LRRC3B: variants seen among roughly 807,000 people sequenced by gnomAD.
LRRC3B encodes the protein leucine rich repeat containing 3B.
A neutral mutation model predicts 12.8 loss-of-function variants in LRRC3B; 2 were observed. The observed-to-expected ratio is 0.16, with a 90% CI of 0.06 to 0.49. The LOEUF is 0.49. LRRC3B is among the 20% of genes least tolerant of loss of function. LRRC3B has a pLI of 0.96. For missense variants in LRRC3B, 189 were observed against 319.4 expected, an observed-to-expected ratio of 0.59 and a Z score of 3.11; for synonymous variants, 132 against 122.0, an observed-to-expected ratio of 1.08 and a Z score of -0.54.
At chr3:26,702,175 T>G (rs1284641818) in intron 1 of LRRC3B, among the ~76,000 whole-genome samples, 3 of 152,182 alleles carry the variant, frequency 2.0e-5, no homozygotes, top group Non-Finnish European at 4.4e-5. Flanking sequence ...AGTGATGTAT[T>G]TAATATGAAG....
chr3:26,647,172 A>T (rs1248448558), intron 1 of LRRC3B, among the ~76,000 whole-genome samples: 1 of 151,954 alleles, frequency 6.6e-6, no homozygotes, highest in African/African-American at 2.4e-5. Flanking sequence ...CACTTTTTTC[A>T]GTTCTCAGCT....
intron 1 of LRRC3B, among the ~76,000 whole-genome samples, chr3:26,685,391 T>C (rs1198002617): frequency 6.6e-6 from 1 of 150,898 alleles, no homozygotes; most frequent in Non-Finnish European, 1.5e-5. Flanking sequence ...ATGCTACCTA[T>C]CTTACTAGTA....
chr3:26,653,853 A>G (rs1435924044), intron 1 of LRRC3B, among the ~76,000 whole-genome samples: 2 of 152,252 alleles, frequency 1.3e-5, no homozygotes, highest in African/African-American at 4.8e-5. Context: ...TATTGAAAAC[A>G]ATAGTTCACC....
At chr3:26,695,790 C>G (rs1700301175) in intron 1 of LRRC3B, among the ~76,000 whole-genome samples, 1 of 152,170 alleles carries the variant, frequency 6.6e-6, no homozygotes, top group Non-Finnish European at 1.5e-5. Flanking sequence ...CTGGTCTGCT[C>G]TGTTCTAACA....
chr3:26,637,106 C>T (rs2125405197), intron 1 of LRRC3B, among the ~76,000 whole-genome samples: 1 of 151,490 alleles, frequency 6.6e-6, no homozygotes, highest in Non-Finnish European at 1.5e-5. Flanking sequence ...AAGCAATCCT[C>T]CTGCCTTAGC....
chr3:26,639,370 A>G (rs763753467), intron 1 of LRRC3B, among the ~76,000 whole-genome samples: 4 of 152,162 alleles, frequency 2.6e-5, no homozygotes, highest in Non-Finnish European at 5.9e-5. Context: ...CATTAGAAAT[A>G]CTTGACCTAT....
chr3:26,666,326 T>G (rs1387539353), intron 1 of LRRC3B, among the ~76,000 whole-genome samples: 1 of 152,142 alleles, frequency 6.6e-6, no homozygotes, highest in Non-Finnish European at 1.5e-5. Flanking sequence ...TATGAAAGTT[T>G]ATTATAAGAC....
At chr3:26,634,839 T>C (rs1441833248) in intron 1 of LRRC3B, among the ~76,000 whole-genome samples, 2 of 152,194 alleles carry the variant, frequency 1.3e-5, no homozygotes, top group African/African-American at 4.8e-5. Flanking sequence ...GAGAGTTGGA[T>C]ATGTACCCAG....
At chr3:26,652,243 T>C (rs75539607) in intron 1 of LRRC3B, among the ~76,000 whole-genome samples, 1,626 of 152,260 alleles carry the variant, frequency 0.011, 22 homozygotes, top group African/African-American at 0.037. Flanking sequence ...ACCTGCATGA[T>C]CAACTGGGGC....
At chr3:26,705,734 G>C (rs1314433494) in intron 1 of LRRC3B, among the ~76,000 whole-genome samples, 2 of 152,112 alleles carry the variant, frequency 1.3e-5, no homozygotes, top group African/African-American at 4.8e-5. Flanking sequence ...TTTTAGCCCT[G>C]TATTCTGCTG....
At chr3:26,699,461 CT>C (rs1700400177) in intron 1 of LRRC3B, among the ~76,000 whole-genome samples, 1 of 152,092 alleles carries the variant, frequency 6.6e-6, no homozygotes, top group Non-Finnish European at 1.5e-5. Flanking sequence ...ACTTGGGAAG[CT>C]GAGTTTTGAA....
chr3:26,630,316 A>G (rs1224270854), intron 1 of LRRC3B, among the ~76,000 whole-genome samples: 1 of 152,238 alleles, frequency 6.6e-6, no homozygotes, highest in Admixed American at 6.5e-5. Context: ...GATTTACTCC[A>G]TAGTGCCCTT....
intron 1 of LRRC3B, among the ~76,000 whole-genome samples, chr3:26,636,589 G>A (rs1480856652): frequency 2.6e-5 from 4 of 152,030 alleles, no homozygotes; most frequent in Admixed American, 2.6e-4. Flanking sequence ...ATATTAAATT[G>A]TGGGCTAAAT....
chr3:26,698,368 T>A (rs1461937616), intron 1 of LRRC3B, among the ~76,000 whole-genome samples: 1 of 152,178 alleles, frequency 6.6e-6, no homozygotes, highest in Non-Finnish European at 1.5e-5. Context: ...TAAAACCAAG[T>A]GCACCTTGCA....
rs376736299 is a variant in LRRC3B at position 26,658,543 on chromosome 3, G to A, written c.-161+35306G>A. On this transcript the variant is annotated intron_variant, in intron 1 of 1. Coordinates refer to ENST00000396641, the Ensembl canonical transcript of LRRC3B. The stretch of plus-strand genomic sequence containing the variant: ...AACAAGTTTTCCAGGGATGCTACTG[G>A]TATCACACATTGAAGAGGAGGGGAA... Among the ~76,000 whole-genome samples, 205 of 152,284 alleles carry A rather than the reference G, an allele frequency of 1.3e-3. 1 individual carries two copies. Among genetic ancestry groups the A allele is most frequent in the Admixed American group, 2.8e-3 (43 of 15,294 alleles).
chr3:26,697,387 C>A (rs1427240802), intron 1 of LRRC3B, among the ~76,000 whole-genome samples: 6 of 152,130 alleles, frequency 3.9e-5, no homozygotes, highest in Admixed American at 3.9e-4. Flanking sequence ...TGTTACATTG[C>A]CTTTTCTTCT....
At chr3:26,691,935 G>T (rs185390936) in intron 1 of LRRC3B, among the ~76,000 whole-genome samples, 7 of 152,088 alleles carry the variant, frequency 4.6e-5, no homozygotes, top group Non-Finnish European at 8.8e-5. Context: ...TTTTTGCTTC[G>T]TTTGTAGTTG....
intron 1 of LRRC3B, among the ~76,000 whole-genome samples, chr3:26,700,147 C>T (rs1575176120): frequency 6.6e-6 from 1 of 152,064 alleles, no homozygotes; most frequent in Non-Finnish European, 1.5e-5. Flanking sequence ...AAAGTAGTGC[C>T]TTAACTGACT....
intron 1 of LRRC3B, among the ~76,000 whole-genome samples, chr3:26,667,443 C>G (rs1215902355): frequency 6.6e-6 from 1 of 152,128 alleles, no homozygotes; most frequent in Admixed American, 6.6e-5. Context: ...CTTTTCTCAC[C>G]TAGCAACAAT....
Sources: gnomAD v4.1 joint callset for allele counts (sites outside exome capture counted in the v4.1 genomes callset) on GRCh38, gnomAD v4.1.1 for gene constraint, MANE v1.5 for transcripts, NCBI Gene and HGNC (gene_info 2026-07-23, HGNC 2026-07-21) for gene names.